Variants in HELZ observed in about 807,000 individuals in gnomAD.
The protein encoded by HELZ is helicase with zinc finger.
In HELZ, 23 loss-of-function variants were observed where a neutral mutation model predicts 218.2. The ratio of observed to expected loss-of-function variants is 0.11; its 90% CI spans 0.08 to 0.15. The LOEUF (loss-of-function observed/expected upper bound fraction) is 0.15, where lower values mean the gene tolerates loss of function less well. Ranked by LOEUF, HELZ falls within the 10% of genes least tolerant of loss-of-function variation. The probability of loss-of-function intolerance (pLI) is 1.00; values close to 1 mark genes in which losing one functional copy is unlikely to be tolerated. For synonymous variants in HELZ, 814 were observed against 829.4 expected, an observed-to-expected ratio of 0.98 and a Z score of 0.32; for missense variants, 1,813 against 2,353.7, an observed-to-expected ratio of 0.77 and a Z score of 4.75.
chr17:67,104,358 G>A (rs1345983235), intron 31 of HELZ, among the ~76,000 whole-genome samples: 2 of 150,466 alleles, frequency 1.3e-5, no homozygotes, highest in African/African-American at 4.9e-5. Flanking sequence ...AGAATGGCGT[G>A]AACCCGGGAG....
intron 3 of HELZ, among the ~76,000 whole-genome samples, chr17:67,232,927 A>G (rs988108035): frequency 5.3e-5 from 8 of 152,204 alleles, no homozygotes; most frequent in African/African-American, 1.9e-4. Context: ...TGAGTTCAGG[A>G]GTTCGAGATC....
intron 15 of HELZ, among the ~76,000 whole-genome samples, chr17:67,162,114 T>C (rs931975687): frequency 2.0e-5 from 3 of 152,116 alleles, no homozygotes; most frequent in Non-Finnish European, 4.4e-5. Context: ...ACGCTTTCAG[T>C]TTTCAAGAAA....
At chr17:67,144,453 G>A (rs981851615) in intron 21 of HELZ, among the ~76,000 whole-genome samples, 8 of 148,418 alleles carry the variant, frequency 5.4e-5, no homozygotes, top group African/African-American at 1.7e-4. Context: ...AAAGTGAGCT[G>A]TCTTTGTGAT....
chr17:67,195,300 T>C, intron 8 of HELZ, 119 bp downstream of exon 8: 2 of 582,326 alleles, frequency 3.4e-6, no homozygotes, highest in East Asian at 2.8e-5. Flanking sequence ...TAAAATCTTA[T>C]ATTCTCTCCT....
chr17:67,157,084 C>A (rs2038864448), intron 17 of HELZ, among the ~76,000 whole-genome samples: 1 of 152,190 alleles, frequency 6.6e-6, no homozygotes, highest in Non-Finnish European at 1.5e-5. Context: ...CCTGCTCCCC[C>A]TTCGCCTTCC....
chr17:67,141,089 G>A (rs558444203), intron 21 of HELZ, among the ~76,000 whole-genome samples: 1 of 152,244 alleles, frequency 6.6e-6, no homozygotes, highest in East Asian at 1.9e-4. Flanking sequence ...AAGTTCTTCA[G>A]GCTGAAAGCA....
At chr17:67,097,569 C>T (rs921118454) in intron 31 of HELZ, among the ~76,000 whole-genome samples, 1 of 152,172 alleles carries the variant, frequency 6.6e-6, no homozygotes, top group Non-Finnish European at 1.5e-5. Context: ...TTTTCCTATA[C>T]ATCCATATAC....
chr17:67,153,472 T>C (rs1598332079), intron 17 of HELZ, among the ~76,000 whole-genome samples: 1 of 152,362 alleles, frequency 6.6e-6, no homozygotes, highest in East Asian at 1.9e-4. Context: ...TCATCACTAT[T>C]ATTCCTCTTC....
chr17:67,090,970 A>T (rs1234513477), intron 31 of HELZ, among the ~76,000 whole-genome samples: 1 of 151,994 alleles, frequency 6.6e-6, no homozygotes, highest in Non-Finnish European at 1.5e-5. Context: ...AGTTTTGATT[A>T]TTGATCTGAG....
chr17:67,136,229 A>G, intron 22 of HELZ, 31 bp from the exon 23 acceptor site: 1 of 1,412,900 alleles, frequency 7.1e-7, no homozygotes, highest in Admixed American at 1.8e-5. Flanking sequence ...GAAAAGACTT[A>G]AGATTGTCAT....
At position 67,200,348 on chromosome 17, in the gene HELZ, T is replaced by C. The variant is rs1463661621; in HGVS notation, c.429+781A>G. 4.6e-5 allele frequency among the ~76,000 whole-genome samples: 7 copies of C among 152,308 alleles called. No homozygotes were observed. The East Asian group carries it at 1.2e-3, about 25-fold the overall frequency. On this transcript the variant is annotated intron_variant, in intron 7 of 32. Coordinates refer to ENST00000358691, the MANE Select transcript of HELZ (RefSeq NM_014877.4). ...AGTCCTTCACTGGAGTACTTTTTTG[T>C]TCACTATTTATCCTCATACACATTA...
At chr17:67,218,950 C>T (rs1320781058) in intron 3 of HELZ, 128 bp from the exon 4 acceptor site, 9 of 630,724 alleles carry the variant, frequency 1.4e-5, no homozygotes, top group Admixed American at 2.8e-5. Flanking sequence ...TGATCAAGGT[C>T]ACAGCTAAGC....
rs781444688 is a variant in HELZ, at chr17:67,189,708, C to G, written c.757-12G>C. 1 of 1,520,506 alleles carries G rather than the reference C, an allele frequency of 6.6e-7. No individual in the cohort carries two copies. The allele number at this position is 1,520,506 out of a possible 1,614,324, so 94.2% of individuals were successfully genotyped here. A position where few individuals can be genotyped will look rare whatever the true frequency, so the allele number is the denominator to read the frequency against. Reference sequence around the variant, plus strand: ...ATACATTCACTAAGCTGAAAACAGACAGCAATTTATGTTATGTTTTTATTG... The same window carrying G: ...ATACATTCACTAAGCTGAAAACAGAGAGCAATTTATGTTATGTTTTTATTG... On this transcript the variant is annotated splice_polypyrimidine_tract_variant and intron_variant, in intron 10 of 32. Coordinates refer to ENST00000358691, the MANE Select transcript of HELZ (RefSeq NM_014877.4).
At chr17:67,149,488 A>G (rs1019448436) in intron 19 of HELZ, among the ~76,000 whole-genome samples, 1 of 152,218 alleles carries the variant, frequency 6.6e-6, no homozygotes, top group Non-Finnish European at 1.5e-5. Flanking sequence ...CACCAAAAAA[A>G]ATTACTCCTT....
chr17:67,226,214 G>A (rs552964467), intron 3 of HELZ, among the ~76,000 whole-genome samples: 7 of 143,272 alleles, frequency 4.9e-5, no homozygotes, highest in Non-Finnish European at 9.0e-5. Flanking sequence ...AGCCGAGATC[G>A]CACCACTGCA....
intron 31 of HELZ, among the ~76,000 whole-genome samples, chr17:67,094,158 C>A (rs2036660080): frequency 6.6e-6 from 1 of 151,922 alleles, no homozygotes; most frequent in African/African-American, 2.4e-5. Context: ...CCATCTCCAC[C>A]AAAAAATACA....
chr17:67,235,092 T>C (rs2041141483), intron 3 of HELZ, among the ~76,000 whole-genome samples: 1 of 152,130 alleles, frequency 6.6e-6, no homozygotes, highest in Non-Finnish European at 1.5e-5. Context: ...GTTTCCTTCA[T>C]GTTTGGATCC....
intron 32 of HELZ, among the ~76,000 whole-genome samples, chr17:67,078,857 A>G (rs1378646181): frequency 1.3e-5 from 2 of 152,254 alleles, no homozygotes; most frequent in Non-Finnish European, 2.9e-5. Flanking sequence ...TGAAAAATAA[A>G]AAACTAGTTT....
intron 12 of HELZ, among the ~76,000 whole-genome samples, chr17:67,180,809 C>A (rs920499572): frequency 1.4e-5 from 2 of 140,938 alleles, no homozygotes; most frequent in Non-Finnish European, 3.0e-5. Context: ...ACCCGGAAGG[C>A]GGAGCTTGCA....
Sources: allele counts gnomAD v4.1 joint callset (sites outside exome capture counted in the v4.1 genomes callset), GRCh38; gene constraint gnomAD v4.1.1; transcripts MANE v1.5; gene names NCBI Gene and HGNC (gene_info 2026-07-23, HGNC 2026-07-21).